The following ERCC1 variants were observed in gnomAD, a reference collection of about 807,000 sequenced individuals.
The protein encoded by ERCC1 is ERCC excision repair 1, endonuclease non-catalytic subunit.
A neutral mutation model predicts 37.6 loss-of-function variants in ERCC1; 36 were observed. That is an observed-to-expected ratio of 0.96 (90% confidence interval 0.73 to 1.26). The LOEUF (loss-of-function observed/expected upper bound fraction) is 1.26, where lower values mean the gene tolerates loss of function less well. Among genes scored for constraint, ERCC1 ranks in the 50% most tolerant of loss-of-function variants. The pLI is 0.00. For synonymous variants in ERCC1, 156 were observed against 162.1 expected, an observed-to-expected ratio of 0.96 and a Z score of 0.28; for missense variants, 349 against 376.5, an observed-to-expected ratio of 0.93 and a Z score of 0.60.
At chr19:45,410,565 T>TTATGTGTGTGTGTG in intron 9 of ERCC1, 1 of 140,722 alleles carries the variant, frequency 7.1e-6, no homozygotes, top group South Asian at 2.3e-4. Flanking sequence ...CATTCTTTCT[T>TTATGTGTGTGTGTG]TGTGTGTGTG....
Position 45,423,838 on chromosome 19 carries a change from C to T in ERCC1, c.-65G>A. 1 of 1,139,106 alleles carries T rather than the reference C, an allele frequency of 8.8e-7. No individual in the cohort carries two copies. The highest frequency in any genetic ancestry group is 4.2e-5 in the East Asian group (1 of 23,770). The allele number at this position is 1,139,106 out of a possible 1,614,324, so 70.6% of individuals were successfully genotyped here. On this transcript the variant is annotated 5_prime_UTR_variant, in exon 1 of 10. Coordinates refer to ENST00000300853, the MANE Select transcript of ERCC1 (RefSeq NM_001983.4). ...GAGGCCTCACCTGCTGGTCTTGGAG[C>T]CTCAAGGGAAAGACTGCAGAGGGAT...
upstream of ERCC1, among the ~76,000 whole-genome samples, chr19:45,426,486 G>A (rs1974695633): frequency 6.6e-6 from 1 of 151,008 alleles, no homozygotes; most frequent in Non-Finnish European, 1.5e-5. Flanking sequence ...TGGAGGCAAA[G>A]GTTGCGGTGA....
At chr19:45,413,810 A>T in intron 8 of ERCC1, 65 bp from the exon 9 acceptor site, 1 of 1,606,412 alleles carries the variant, frequency 6.2e-7, no homozygotes, top group Non-Finnish European at 8.5e-7. Flanking sequence ...CCAGCTGAGG[A>T]GGGGCCTCAG....
rs748372404 is a variant in ERCC1 at position 45,409,005 on chromosome 19, C to T, written c.*670G>A. ...GCAATGATGGAGCCAGGGACGGAGG[C>T]GATGGAGCCAGTGGAGCCGGAGATG... On this transcript the variant is annotated 3_prime_UTR_variant, in exon 10 of 10. Coordinates refer to ENST00000300853, the MANE Select transcript of ERCC1 (RefSeq NM_001983.4). The T allele has an allele frequency of 1.7e-5, 27 of 1,613,780 alleles. No homozygotes were observed. Among genetic ancestry groups the T allele is most frequent in the East Asian group, 2.2e-5 (1 of 44,872 alleles).
intron 1 of ERCC1, among the ~76,000 whole-genome samples, chr19:45,431,940 G>T (rs1338577504): frequency 1.3e-5 from 2 of 152,034 alleles, no homozygotes; most frequent in Non-Finnish European, 2.9e-5. Flanking sequence ...TCATGTAAAA[G>T]ATATAACTTA....
rs778474911 is a variant in ERCC1 at position 45,423,294 on chromosome 19, G to C, written c.81C>G (p.Asp27Glu). 2.5e-6 allele frequency: 4 copies of C among 1,613,704 alleles called. No homozygotes were observed. Among genetic ancestry groups the C allele is most frequent in the African/African-American group, 2.7e-5 (2 of 74,986 alleles). ...CCACTCCAGGAGGGACCTCATCCTCGTCGAGGGGTATCACAAATTTCTTCC... is the reference window on the plus strand; with the variant it reads ...CCACTCCAGGAGGGACCTCATCCTCCTCGAGGGGTATCACAAATTTCTTCC... ...PARKKFVIPL[D>E]EDEVPPGVAK... The change falls in exon 2 of 10, where the codon GAC becomes GAG. Residue 27 changes from aspartate to glutamate, a missense_variant. By Grantham distance (45) the Asp-to-Glu change is conservative. Transcript: ENST00000300853.
chr19:45,434,328 CA>C (rs61587027), intron 1 of ERCC1, among the ~76,000 whole-genome samples: 119 of 138,206 alleles, frequency 8.6e-4, no homozygotes, highest in Non-Finnish European at 8.9e-4. Flanking sequence ...CCAAAAAATA[CA>C]AAAAAAAAAA....
At chr19:45,424,047 A>G (rs1188689865), upstream of ERCC1, 1 of 1,045,896 alleles carries the variant, frequency 9.6e-7, no homozygotes, top group Non-Finnish European at 1.2e-6. Context: ...TCTGGCTCCC[A>G]AACTGTTAAG....
chr19:45,438,154 C>T (rs1975029799), intron 1 of ERCC1, among the ~76,000 whole-genome samples: 1 of 152,152 alleles, frequency 6.6e-6, no homozygotes, highest in South Asian at 2.1e-4. Flanking sequence ...TCGTGATCCA[C>T]CCGCCTCCGT....
At chr19:45,443,695 G>A (rs1367023684) in intron 1 of ERCC1, among the ~76,000 whole-genome samples, 1 of 152,130 alleles carries the variant, frequency 6.6e-6, no homozygotes, top group Non-Finnish European at 1.5e-5. Flanking sequence ...TGGCCGGGCC[G>A]GGGACAATGG....
chr19:45,426,959 T>TC (rs35772076), upstream of ERCC1, among the ~76,000 whole-genome samples: 39,214 of 91,534 alleles, frequency 0.43, 7,877 homozygotes, highest in East Asian at 0.71. Context: ...AAACTCCATC[T>TC]AAAAAAAAAA....
In ERCC1 at chr19:45,420,562, C is replaced by A; in HGVS notation, c.322-135G>T. On this transcript the variant is annotated intron_variant, in intron 3 of 9. Coordinates refer to ENST00000300853, the MANE Select transcript of ERCC1 (RefSeq NM_001983.4). This position sits in a 1 kb window ranked among gnomAD's most constrained non-coding sequence, Gnocchi z 4.8. Reference sequence around the variant, plus strand: ...CCTCCTGCCTCCTCGCACCTCTTCCCACACCTCCTCCCTCCTCCCACCTGT... The same window carrying A: ...CCTCCTGCCTCCTCGCACCTCTTCCAACACCTCCTCCCTCCTCCCACCTGT... 1.4e-6 allele frequency: 1 copy of A among 694,714 alleles called. No individual in the cohort carries two copies. Among genetic ancestry groups the A allele is most frequent in the Non-Finnish European group, 2.6e-6 (1 of 379,852 alleles). 43.0% of individuals were successfully genotyped at this position (694,714 alleles called of 1,614,324 possible). A position where few individuals can be genotyped will look rare whatever the true frequency, so the allele number is the denominator to read the frequency against.
chr19:45,414,624 G>A (rs1173347028), intron 7 of ERCC1: 17 of 508,326 alleles, frequency 3.3e-5, no homozygotes, highest in Non-Finnish European at 5.7e-5. Flanking sequence ...GTTGAGCCTG[G>A]TGAGAAGTCT....
intron 1 of ERCC1, among the ~76,000 whole-genome samples, chr19:45,437,291 T>C (rs551103459): frequency 1.3e-5 from 2 of 152,072 alleles, no homozygotes; most frequent in Admixed American, 6.6e-5. Flanking sequence ...TGTATATATA[T>C]ATATAATAAG....
chr19:45,431,406 C>T (rs1337355943), intron 1 of ERCC1, among the ~76,000 whole-genome samples: 1 of 152,068 alleles, frequency 6.6e-6, no homozygotes, highest in African/African-American at 2.4e-5. Context: ...GGGCCGGGAG[C>T]AGTGGCTCAT....
chr19:45,414,796 T>C (rs563616108), intron 7 of ERCC1, 65 bp downstream of exon 7: 1 of 1,163,442 alleles, frequency 8.6e-7, no homozygotes, highest in Admixed American at 1.7e-5. Context: ...AAATTGGAAC[T>C]GAAGCTCAAC....
intron 2 of ERCC1, among the ~76,000 whole-genome samples, chr19:45,422,807 C>G (rs1055604870): frequency 1.3e-5 from 2 of 152,106 alleles, no homozygotes; most frequent in South Asian, 2.1e-4. Context: ...TCCTCTCCCC[C>G]ATCATGCCCT....
At chr19:45,415,658 A>C (rs1568580327) in intron 6 of ERCC1, 4 of 376,466 alleles carry the variant, frequency 1.1e-5, no homozygotes, top group South Asian at 7.6e-5. Flanking sequence ...AAAAAAAAAA[A>C]CAATTGTGGT....
intron 1 of ERCC1, among the ~76,000 whole-genome samples, chr19:45,434,155 CAAA>C (rs138387403): frequency 1.1e-4 from 11 of 97,442 alleles, no homozygotes; most frequent in Admixed American, 1.9e-4. Flanking sequence ...CACACACACA[CAAA>C]AAAAAAAAAA....
Sources: gnomAD v4.1 joint callset for allele counts (sites outside exome capture counted in the v4.1 genomes callset) on GRCh38, gnomAD v4.1.1 for gene constraint, Gnocchi (gnomAD v3.1) non-coding constraint, MANE v1.5 for transcripts, NCBI Gene and HGNC (gene_info 2026-07-23, HGNC 2026-07-21) for gene names.